The following SLC9A1 variants were observed in gnomAD, a reference collection of about 807,000 sequenced individuals.
SLC9A1 encodes sodium/hydrogen exchanger 1.
A neutral mutation model predicts 67.9 loss-of-function variants in SLC9A1; 22 were observed. The ratio of observed to expected loss-of-function variants is 0.32; its 90% CI spans 0.23 to 0.46. The LOEUF (loss-of-function observed/expected upper bound fraction) is 0.46. Ranked by LOEUF, SLC9A1 falls within the 20% of genes least tolerant of loss-of-function variation. The probability of loss-of-function intolerance (pLI) is 1.00; values close to 1 mark genes in which losing one functional copy is unlikely to be tolerated. For synonymous variants in SLC9A1, 421 were observed against 471.8 expected (o/e 0.89, Z 1.40); for missense variants, 686 against 1,094.8 (o/e 0.63, Z 5.27).
rs142043923 is a variant in SLC9A1, at chr1:27,113,934, C to T, written c.705G>A (p.Ser235=). 5.9e-4 allele frequency: 947 copies of T among 1,614,068 alleles called. 1 individual carries two copies. Among genetic ancestry groups the T allele is most frequent in the Non-Finnish European group, 7.7e-4 (907 of 1,180,056 alleles). Residue 235 remains serine, a synonymous_variant, in exon 2 of 12, where the codon TCG becomes TCA. Transcript: ENST00000263980. ...LDNLLFGSII[S]AVDPVAVLAV... is the part of the protein sequence containing the mutation. ...CCAGAACCGCCACGGGGTCCACGGC[C>T]GAGATGATGCTGCCGAAGAGCAGGT...
chr1:27,152,404 C>T (rs951094180), intron 1 of SLC9A1, among the ~76,000 whole-genome samples: 2 of 152,198 alleles, frequency 1.3e-5, no homozygotes, highest in Non-Finnish European at 2.9e-5. Context: ...ATAGATTGCA[C>T]TTGTGAGGTC....
At chr1:27,147,053 C>A (rs1285203372) in intron 1 of SLC9A1, among the ~76,000 whole-genome samples, 4 of 151,768 alleles carry the variant, frequency 2.6e-5, no homozygotes, top group African/African-American at 9.7e-5. Flanking sequence ...GGGCAGATCA[C>A]CTGAGGTCAG....
At chr1:27,119,216 G>A (rs893541161) in intron 1 of SLC9A1, among the ~76,000 whole-genome samples, 1 of 152,168 alleles carries the variant, frequency 6.6e-6, no homozygotes, top group Admixed American at 6.5e-5. Context: ...GACTGGCTCA[G>A]TGGAGCAGGC....
In SLC9A1 at chr1:27,122,047, G is replaced by A. The variant is rs186261796; in HGVS notation, c.353-7761C>T. On this transcript the variant is annotated intron_variant, in intron 1 of 11. Coordinates refer to ENST00000263980, the MANE Select transcript of SLC9A1 (RefSeq NM_003047.5). ...ATAAGAATTGCTTGAACCTGCAGGC[G>A]CAGGTTGCAGTGAGCCAAGATCGCG... Among the ~76,000 whole-genome samples, 6 of 152,218 alleles carry A rather than the reference G, an allele frequency of 3.9e-5. No individual in the cohort carries two copies. The East Asian group carries it at 7.7e-4, about 20-fold the overall frequency.
Position 27,139,479 on chromosome 1 carries a change from T to C in SLC9A1, c.352+14504A>G, listed in dbSNP as rs111724501. On this transcript the variant is annotated intron_variant, in intron 1 of 11. Coordinates refer to ENST00000263980, the MANE Select transcript of SLC9A1 (RefSeq NM_003047.5). ...GGCCGTCACATAGTGCAGAAGGCAA[T>C]GATGCACTATGCGAAGCCCTGAGCA... 1.1e-3 allele frequency among the ~76,000 whole-genome samples: 168 copies of C among 152,286 alleles called. 3 individuals carry two copies. The highest frequency in any genetic ancestry group is 3.9e-3 in the African/African-American group (161 of 41,534).
Position 27,109,585 on chromosome 1 carries a change from G to C in SLC9A1, c.1006C>G (p.Leu336Val), listed in dbSNP as rs1205670511. 1 of 1,614,052 alleles carries C rather than the reference G, an allele frequency of 6.2e-7. No individual in the cohort carries two copies. The change falls in exon 3 of 12, where the codon CTC (leucine) becomes GTC (valine). Residue 336 changes from leucine to valine, a missense_variant. Coordinates refer to ENST00000263980, the MANE Select transcript of SLC9A1 (RefSeq NM_003047.5). This position sits in a 1 kb window ranked among gnomAD's most constrained non-coding sequence, Gnocchi z 5.5. ...GACAAGTAGGCCATGTAGCTGTAGA[G>C]GAAGACGAAGAGCGGCTCGATGACC... ...IRVIEPLFVF[L>V]YSYMAYLSAE...
Position 27,109,709 on chromosome 1 carries a change from G to A in SLC9A1, c.882C>T (p.Gly294=), listed in dbSNP as rs1013331393. Residue 294 remains glycine, a synonymous_variant, in exon 3 of 12, where the codon GGC becomes GGT. Coordinates refer to ENST00000263980, the MANE Select transcript of SLC9A1 (RefSeq NM_003047.5). This position sits in a 1 kb window ranked among gnomAD's most constrained non-coding sequence, Gnocchi z 5.5. ...EHVGIVDIFL[G]FLSFFVVALG... The stretch of plus-strand genomic sequence containing the variant: ...GGGCCACCACGAAGAAGCTCAGGAA[G>A]CCGAGGAAGATGTCCACGATGCCCA... 6 of 1,613,974 alleles carry A rather than the reference G, an allele frequency of 3.7e-6. No individual in the cohort carries two copies. Among genetic ancestry groups the A allele is most frequent in the Non-Finnish European group, 5.1e-6 (6 of 1,180,032 alleles).
In SLC9A1 at chr1:27,100,666, C is replaced by A; in HGVS notation, c.2111-22G>T. ...GGGTCTGGGGACCAAGAGCAAGGCA[C>A]AAGCTGGGTTCCGCTCTGGAGCCCG... is the stretch of plus-strand genomic sequence containing the variant. On this transcript the variant is annotated intron_variant, in intron 11 of 11. Transcript: ENST00000263980. This position sits in a 1 kb window ranked among gnomAD's most constrained non-coding sequence, Gnocchi z 5.6. 6.3e-7 allele frequency: 1 copy of A among 1,578,708 alleles called. No homozygotes were observed. Among genetic ancestry groups the A allele is most frequent in the Non-Finnish European group, 8.6e-7 (1 of 1,160,430 alleles).
chr1:27,128,813 C>A (rs1373489261), intron 1 of SLC9A1, among the ~76,000 whole-genome samples: 1 of 151,306 alleles, frequency 6.6e-6, no homozygotes, highest in Admixed American at 6.6e-5. Flanking sequence ...CAAAATTAGC[C>A]GGGCGTAGTG....
At position 27,100,662 on chromosome 1, in the gene SLC9A1, G is replaced by C. The variant is rs374837943; in HGVS notation, c.2111-18C>G. On this transcript the variant is annotated intron_variant, in intron 11 of 11. Coordinates refer to ENST00000263980, the MANE Select transcript of SLC9A1 (RefSeq NM_003047.5). The surrounding 1 kb of genome is among the most constrained non-coding windows in gnomAD (Gnocchi z 5.6). ...CAGTGGGTCTGGGGACCAAGAGCAA[G>C]GCACAAGCTGGGTTCCGCTCTGGAG... 6.3e-7 allele frequency: 1 copy of C among 1,581,226 alleles called. No homozygotes were observed. Among genetic ancestry groups the C allele is most frequent in the Non-Finnish European group, 8.6e-7 (1 of 1,162,150 alleles).
chr1:27,131,947 A>AAAAAAAAAAAATATATATATAT, intron 1 of SLC9A1, among the ~76,000 whole-genome samples: 2 of 52,126 alleles, frequency 3.8e-5, no homozygotes, highest in Non-Finnish European at 7.7e-5. Flanking sequence ...AGAAAAAAAA[A>AAAAAAAAAAAATATATATATAT]ATATATATAT....
chr1:27,142,583 C>T (rs1289402444), intron 1 of SLC9A1, among the ~76,000 whole-genome samples: 1 of 152,110 alleles, frequency 6.6e-6, no homozygotes, highest in East Asian at 1.9e-4. Context: ...TGGTTGCTTC[C>T]CCACTAGCAG....
intron 1 of SLC9A1, among the ~76,000 whole-genome samples, chr1:27,123,801 G>C (rs928837334): frequency 1.3e-4 from 19 of 151,348 alleles, no homozygotes; most frequent in African/African-American, 4.6e-4. Flanking sequence ...GTGAGCCACC[G>C]CGCCCAGCCC....
intron 1 of SLC9A1, among the ~76,000 whole-genome samples, chr1:27,141,667 T>A (rs985133706): frequency 7.9e-5 from 12 of 152,346 alleles, no homozygotes; most frequent in African/African-American, 2.9e-4. Context: ...GCAGTTCTCA[T>A]GCATCTCTGC....
At chr1:27,105,839 T>A (rs1327980439) in intron 5 of SLC9A1, 46 bp downstream of exon 5, 4 of 1,511,558 alleles carry the variant, frequency 2.6e-6, no homozygotes, top group Admixed American at 3.4e-5. Flanking sequence ...GGGAACAGCC[T>A]GTGAGGGTCC....
chr1:27,105,247 TG>T (rs754862593), intron 5 of SLC9A1, among the ~76,000 whole-genome samples: 22 of 152,210 alleles, frequency 1.4e-4, no homozygotes, highest in Non-Finnish European at 2.5e-4. Context: ...AGCCCTACAA[TG>T]AGTTAGTAGC....
chr1:27,102,401 A>G lies in SLC9A1; in HGVS notation c.1804T>C (p.Ser602Pro). 1 of 1,594,004 alleles carries G rather than the reference A, an allele frequency of 6.3e-7. No individual in the cohort carries two copies. Among genetic ancestry groups the G allele is most frequent in the Non-Finnish European group, 8.6e-7 (1 of 1,165,286 alleles). The change falls in exon 8 of 12, where the codon TCC (serine) becomes CCC (proline). Residue 602 changes from serine (S) to proline (P), a missense_variant. Physicochemically the swap from Ser to Pro is moderately conservative, Grantham distance 74. Around this residue, in one of 7 missense-constraint regions of SLC9A1, gnomAD observed 168 missense variants for 375.4 expected, o/e 0.45. Coordinates refer to ENST00000263980, the MANE Select transcript of SLC9A1 (RefSeq NM_003047.5). ...AGCACTCACTGCATGGAGACGGTGG[A>G]GACGGCAGAGGGGATCTTGCCCATG... ...GGMGKIPSAV[S>P]TVSMQNIHPK...
intron 1 of SLC9A1, among the ~76,000 whole-genome samples, chr1:27,115,726 G>A (rs2083268154): frequency 6.6e-6 from 1 of 150,948 alleles, no homozygotes; most frequent in Non-Finnish European, 1.5e-5. Flanking sequence ...GATCACTTGA[G>A]CCCAGCCTCA....
At chr1:27,113,781 G>A (rs202151730) in intron 2 of SLC9A1, 45 bp downstream of exon 2, 9 of 1,451,682 alleles carry the variant, frequency 6.2e-6, no homozygotes, top group Admixed American at 1.9e-5. Context: ...GCCTGGATTT[G>A]GGTTTGTACC....
Sources: gnomAD v4.1 joint callset for allele counts (sites outside exome capture counted in the v4.1 genomes callset) on GRCh38, gnomAD v4.1.1 for gene constraint, gnomAD v4.1.1 regional missense constraint, Gnocchi (gnomAD v3.1) non-coding constraint, MANE v1.5 for transcripts, NCBI Gene and HGNC (gene_info 2026-07-23, HGNC 2026-07-21) for gene names.